Variants in RBL1 observed in about 807,000 individuals in gnomAD.
The protein encoded by RBL1 is RB transcriptional corepressor like 1, also known as retinoblastoma-like protein 1.
A neutral mutation model predicts 123.0 loss-of-function variants in RBL1; 82 were observed. The observed-to-expected ratio is 0.67, with a 90% CI of 0.56 to 0.80. The LOEUF (loss-of-function observed/expected upper bound fraction) is 0.80, where lower values mean the gene tolerates loss of function less well. RBL1 is among the 30% of genes least tolerant of loss of function. The pLI is 0.00. For synonymous variants in RBL1, 405 were observed against 441.3 expected, an observed-to-expected ratio of 0.92 and a Z score of 1.03; for missense variants, 1,171 against 1,299.6, an observed-to-expected ratio of 0.90 and a Z score of 1.52.
At chr20:37,047,645 A>T (rs1010753838) in intron 11 of RBL1, among the ~76,000 whole-genome samples, 2 of 152,202 alleles carry the variant, frequency 1.3e-5, no homozygotes, top group Non-Finnish European at 2.9e-5. Flanking sequence ...ATAAGTTTTC[A>T]GTTTTAAAAA....
chr20:37,079,323 C>T (rs1038466754), intron 2 of RBL1, among the ~76,000 whole-genome samples: 9 of 151,782 alleles, frequency 5.9e-5, no homozygotes, highest in African/African-American at 2.2e-4. Flanking sequence ...AGATCTAAAC[C>T]AGCTGTTTAG....
At chr20:37,034,444 C>T (rs1021499632) in intron 15 of RBL1, among the ~76,000 whole-genome samples, 1 of 151,704 alleles carries the variant, frequency 6.6e-6, no homozygotes, top group African/African-American at 2.4e-5. Flanking sequence ...TCAATACATA[C>T]ATATTGGAAA....
chr20:37,058,462 C>T (rs1040025253), intron 9 of RBL1, among the ~76,000 whole-genome samples: 9 of 150,754 alleles, frequency 6.0e-5, no homozygotes, highest in Non-Finnish European at 1.5e-5. Context: ...TTGCAGTGAG[C>T]CAAGATCATG....
At chr20:37,012,991 T>C (rs1440958287) in intron 19 of RBL1, among the ~76,000 whole-genome samples, 5 of 138,418 alleles carry the variant, frequency 3.6e-5, no homozygotes, top group East Asian at 2.2e-4. Flanking sequence ...GCCCGGCCAG[T>C]CACCCCGTTG....
intron 14 of RBL1, 99 bp downstream of exon 14, chr20:37,040,054 G>T: frequency 6.6e-7 from 1 of 1,526,622 alleles, no homozygotes; most frequent in Middle Eastern, 2.1e-4. Flanking sequence ...GAATAAATTA[G>T]ATTTCTTAAT....
Position 37,022,529 on chromosome 20 carries a change from G to C in RBL1, c.2559+121C>G, listed in dbSNP as rs898955655. Reference sequence around the variant, plus strand: ...TTTTATAGAGATGAGGTTTCACCATGTTGCCCAAGCTGGTCTCGAAATCCT... The same window carrying C: ...TTTTATAGAGATGAGGTTTCACCATCTTGCCCAAGCTGGTCTCGAAATCCT... On this transcript the variant is annotated intron_variant, in intron 17 of 21. Coordinates refer to ENST00000373664, the MANE Select transcript of RBL1 (RefSeq NM_002895.5). The C allele has an allele frequency of 1.0e-5, 9 of 877,526 alleles. No homozygotes were observed. In the African/African-American group the frequency reaches 1.3e-4, roughly 13 times the overall value. The allele number at this position is 877,526 out of a possible 1,614,324, so 54.4% of individuals were successfully genotyped here.
intron 2 of RBL1, chr20:37,081,857 AG>A (rs1258737762): frequency 2.8e-6 from 1 of 353,186 alleles, no homozygotes; most frequent in African/African-American, 2.2e-5. Flanking sequence ...AACCAAAATT[AG>A]GAAGATTTGA....
chr20:37,001,103 G>A (rs1321420548), intron 21 of RBL1, among the ~76,000 whole-genome samples: 7 of 148,082 alleles, frequency 4.7e-5, no homozygotes, highest in Non-Finnish European at 6.0e-5. Context: ...CTGGCCAGTC[G>A]CCCTGTCCCG....
At position 37,055,552 on chromosome 20, in the gene RBL1, C is replaced by A. The variant is rs774143273; in HGVS notation, c.1467+1G>T. 1.2e-6 allele frequency: 2 copies of A among 1,613,918 alleles called. No homozygotes were observed. Among genetic ancestry groups the A allele is most frequent in the Non-Finnish European group, 1.7e-6 (2 of 1,179,988 alleles). The stretch of plus-strand genomic sequence containing the variant: ...GTAGCTCAGAGAGTGGATTTACTTA[C>A]TGACATGTCCATTCCATGAAGTCTT... On this transcript the variant is annotated splice_donor_variant, in intron 11 of 21. Transcript: ENST00000373664. LOFTEE classifies it high-confidence loss of function.
intron 15 of RBL1, 70 bp downstream of exon 15, chr20:37,035,167 GTGATC>G (rs2064585133): frequency 2.3e-6 from 3 of 1,327,638 alleles, no homozygotes; most frequent in Non-Finnish European, 3.1e-6. Flanking sequence ...GAAAAACCAT[GTGATC>G]TAATCCACTA....
chr20:37,050,019 G>A (rs1191189006), intron 11 of RBL1, among the ~76,000 whole-genome samples: 1 of 147,858 alleles, frequency 6.8e-6, no homozygotes, highest in African/African-American at 2.5e-5. Flanking sequence ...CCAAGATCGT[G>A]CCATTGCACT....
At chr20:37,003,576 T>C (rs1019606542) in intron 21 of RBL1, 126 bp downstream of exon 21, 16 of 1,326,988 alleles carry the variant, frequency 1.2e-5, no homozygotes, top group Non-Finnish European at 2.9e-6. Context: ...AGACATGCCA[T>C]AGTTAACATT....
chr20:37,010,352 T>C (rs1237345949), intron 19 of RBL1, among the ~76,000 whole-genome samples: 1 of 152,220 alleles, frequency 6.6e-6, no homozygotes, highest in Non-Finnish European at 1.5e-5. Context: ...ATAATAGCTA[T>C]TACTAAGGCC....
At chr20:37,062,478 TGAGAG>T (rs1418355238) in intron 7 of RBL1, among the ~76,000 whole-genome samples, 5 of 151,966 alleles carry the variant, frequency 3.3e-5, no homozygotes, top group Non-Finnish European at 7.4e-5. Context: ...CTTTCAAAAG[TGAGAG>T]ACTACATATA....
chr20:37,075,759 T>C, intron 2 of RBL1, among the ~76,000 whole-genome samples: 1 of 152,122 alleles, frequency 6.6e-6, no homozygotes, highest in East Asian at 1.9e-4. Flanking sequence ...CCGGCCTAAT[T>C]TGTTCACTTT....
chr20:37,066,794 A>ACT lies in RBL1; in HGVS notation c.775_776insAG (p.Leu259GlnfsTer4), dbSNP rs1467502924. 5.6e-6 allele frequency: 9 copies of ACT among 1,613,568 alleles called. No homozygotes were observed. Among genetic ancestry groups the ACT allele is most frequent in the Non-Finnish European group, 6.8e-6 (8 of 1,179,634 alleles). ...CTTTATTCCTTTTGCTTCTACGAGA[A>ACT]GTCCATCATGCAGTTCACACAGTAC... On this transcript the variant is annotated frameshift_variant, in exon 6 of 22. Coordinates refer to ENST00000373664, the MANE Select transcript of RBL1 (RefSeq NM_002895.5). LOFTEE classifies it high-confidence loss of function.
intron 12 of RBL1, among the ~76,000 whole-genome samples, chr20:37,044,720 A>G (rs1388548480): frequency 6.6e-6 from 1 of 152,186 alleles, no homozygotes; most frequent in Non-Finnish European, 1.5e-5. Flanking sequence ...TCTAATTTAT[A>G]AAGGAGTTTT....
chr20:37,079,511 G>A (rs6031241), intron 2 of RBL1, among the ~76,000 whole-genome samples: 1 of 134,868 alleles, frequency 7.4e-6, no homozygotes, highest in African/African-American at 2.9e-5. Flanking sequence ...CTGTCACCTA[G>A]GCTGGAGTGC....
At chr20:37,017,620 T>TTGTGTG (rs147347259) in intron 19 of RBL1, among the ~76,000 whole-genome samples, 1,816 of 139,780 alleles carry the variant, frequency 0.013, 29 homozygotes, top group Middle Eastern at 0.074. Context: ...GGACATTTTC[T>TTGTGTG]TGTGTGTGTG....
Sources: gnomAD v4.1 joint callset for allele counts (sites outside exome capture counted in the v4.1 genomes callset) on GRCh38, gnomAD v4.1.1 for gene constraint, MANE v1.5 for transcripts, NCBI Gene and HGNC (gene_info 2026-07-23, HGNC 2026-07-21) for gene names.